MYO1E: variants seen among roughly 807,000 people sequenced by gnomAD.
The protein encoded by MYO1E is myosin IE, also known as unconventional myosin-Ie.
Under a neutral mutation model 151.1 loss-of-function variants are expected in MYO1E, and 68 were observed. The ratio of observed to expected loss-of-function variants is 0.45; its 90% CI spans 0.37 to 0.55. The LOEUF (loss-of-function observed/expected upper bound fraction) is 0.55, where lower values mean the gene tolerates loss of function less well. MYO1E is among the 20% of genes least tolerant of loss of function. MYO1E has a pLI of 0.00. For synonymous variants in MYO1E, 601 were observed against 501.7 expected, an observed-to-expected ratio of 1.20 and a Z score of -2.64; for missense variants, 1,363 against 1,389.3, an observed-to-expected ratio of 0.98 and a Z score of 0.30.
At chr15:59,255,496 G>A (rs1285157830) in intron 4 of MYO1E, among the ~76,000 whole-genome samples, 6 of 152,074 alleles carry the variant, frequency 3.9e-5, no homozygotes, top group Admixed American at 6.5e-5. Flanking sequence ...CCAGGCTCAA[G>A]CGATTCTCCC....
chr15:59,151,050 C>CGG (rs1566964875), intron 26 of MYO1E, among the ~76,000 whole-genome samples: 20 of 129,100 alleles, frequency 1.5e-4, no homozygotes, highest in African/African-American at 7.1e-4. Flanking sequence ...CACACACACA[C>CGG]GCGCGCGCGC....
chr15:59,236,436 G>T, intron 5 of MYO1E, 149 bp downstream of exon 5: 3 of 553,516 alleles, frequency 5.4e-6, no homozygotes, highest in East Asian at 4.0e-5. Flanking sequence ...ACATACATAT[G>T]CTATTCCTTT....
intron 1 of MYO1E, among the ~76,000 whole-genome samples, chr15:59,306,711 A>G (rs1363763773): frequency 2.0e-5 from 3 of 152,228 alleles, no homozygotes; most frequent in Non-Finnish European, 4.4e-5. Context: ...TTGCAAAACC[A>G]TTTGCAATTT....
chr15:59,292,416 C>T (rs972807628), intron 1 of MYO1E, among the ~76,000 whole-genome samples: 1 of 152,204 alleles, frequency 6.6e-6, no homozygotes, highest in Admixed American at 6.5e-5. Flanking sequence ...CTACGACTGG[C>T]AGGCATATGA....
At position 59,216,666 on chromosome 15, in the gene MYO1E, G is replaced by GTGTGTGTGTGTGTGTGTGTGTATTTGTA; in HGVS notation, c.1107+1224_1107+1225insTACAAATACACACACACACACACACACA. Among the ~76,000 whole-genome samples, 2 of 30,884 alleles carry GTGTGTGTGTGTGTGTGTGTGTATTTGTA rather than the reference G, an allele frequency of 6.5e-5. 1 individual carries two copies. Among genetic ancestry groups the GTGTGTGTGTGTGTGTGTGTGTATTTGTA allele is most frequent in the South Asian group, 2.8e-3 (2 of 718 alleles). The allele number at this position is 30,884 out of a possible 152,430, so 20.3% of individuals were successfully genotyped here. On this transcript the variant is annotated intron_variant, in intron 10 of 27. Coordinates refer to ENST00000288235, the MANE Select transcript of MYO1E (RefSeq NM_004998.4). ...CCAGTGTGTGTGTGTGTGTGTATGT[G>GTGTGTGTGTGTGTGTGTGTGTATTTGTA]TATATATATATATATATATACACAT...
At position 59,267,170 on chromosome 15, in the gene MYO1E, CAT is replaced by C. The variant is rs1252973221; in HGVS notation, c.147+5134_147+5135del. ...CCTCCCGAGTAGCCGGGACTACAGG[CAT>C]GCGCCACTACGCCCGGCTAATTTTT... On this transcript the variant is annotated intron_variant, in intron 2 of 27. Transcript: ENST00000288235. Among the ~76,000 whole-genome samples, 1,444 of 151,480 alleles carry C rather than the reference CAT, an allele frequency of 9.5e-3. 26 individuals carry two copies. The highest frequency in any genetic ancestry group is 0.033 in the African/African-American group (1,362 of 41,258).
At chr15:59,352,313 G>C (rs2080827827) in intron 1 of MYO1E, among the ~76,000 whole-genome samples, 1 of 152,164 alleles carries the variant, frequency 6.6e-6, no homozygotes, top group South Asian at 2.1e-4. Context: ...ATGATATCCT[G>C]GAGGGCGGCC....
At chr15:59,359,947 C>A (rs1222820631) in intron 1 of MYO1E, 4 of 152,148 alleles carry the variant, frequency 2.6e-5, no homozygotes, top group Non-Finnish European at 5.9e-5. Context: ...CAGTTAGTGT[C>A]TAGCTTTGCT....
intron 22 of MYO1E, among the ~76,000 whole-genome samples, chr15:59,169,434 C>T (rs565563773): frequency 2.0e-5 from 3 of 152,306 alleles, no homozygotes; most frequent in East Asian, 3.9e-4. Context: ...TGGTTGCTTT[C>T]CTAACTTGGT....
intron 26 of MYO1E, among the ~76,000 whole-genome samples, chr15:59,142,216 G>C (rs2079414328): frequency 6.6e-6 from 1 of 152,064 alleles, no homozygotes; most frequent in Non-Finnish European, 1.5e-5. Flanking sequence ...CACAGATGTG[G>C]AACCCATGGG....
At chr15:59,328,580 C>T (rs568037815) in intron 1 of MYO1E, among the ~76,000 whole-genome samples, 1 of 152,162 alleles carries the variant, frequency 6.6e-6, no homozygotes, top group South Asian at 2.1e-4. Flanking sequence ...TTTATAATGA[C>T]CAGTTATAGA....
At chr15:59,151,005 A>G (rs2079472631) in intron 26 of MYO1E, among the ~76,000 whole-genome samples, 1 of 127,392 alleles carries the variant, frequency 7.8e-6, no homozygotes, top group Admixed American at 9.2e-5. Flanking sequence ...AGGGAAGAGG[A>G]GAGGGACACA....
At chr15:59,320,860 T>C (rs1384525867) in intron 1 of MYO1E, among the ~76,000 whole-genome samples, 2 of 152,174 alleles carry the variant, frequency 1.3e-5, no homozygotes, top group East Asian at 1.9e-4. Context: ...AAAGAGCTTC[T>C]GTACAGCAGA....
At chr15:59,287,280 C>T (rs755221938) in intron 1 of MYO1E, among the ~76,000 whole-genome samples, 26 of 152,156 alleles carry the variant, frequency 1.7e-4, no homozygotes, top group Non-Finnish European at 3.4e-4. Context: ...AATCGCAAGC[C>T]CAGTTTGCAG....
At chr15:59,246,262 T>A (rs2080129489) in intron 4 of MYO1E, among the ~76,000 whole-genome samples, 2 of 152,046 alleles carry the variant, frequency 1.3e-5, no homozygotes. Flanking sequence ...GGATTACAGG[T>A]GCCTGCCACC....
intron 2 of MYO1E, among the ~76,000 whole-genome samples, chr15:59,263,728 G>C (rs747451405): frequency 5.3e-5 from 8 of 152,090 alleles, no homozygotes; most frequent in Non-Finnish European, 1.0e-4. Context: ...CTTCAGCAGT[G>C]CCCAGTTCTG....
intron 12 of MYO1E, among the ~76,000 whole-genome samples, chr15:59,211,563 A>G (rs2140340932): frequency 6.6e-6 from 1 of 152,056 alleles, no homozygotes; most frequent in Non-Finnish European, 1.5e-5. Context: ...ACTCAAATCC[A>G]TTCTACAGAT....
At chr15:59,344,866 T>G (rs1281842610) in intron 1 of MYO1E, among the ~76,000 whole-genome samples, 2 of 152,166 alleles carry the variant, frequency 1.3e-5, no homozygotes, top group African/African-American at 4.8e-5. Flanking sequence ...CATTAGCCAG[T>G]CAATAGGCAC....
At chr15:59,228,210 C>T (rs1200588633) in intron 6 of MYO1E, among the ~76,000 whole-genome samples, 2 of 152,030 alleles carry the variant, frequency 1.3e-5, no homozygotes, top group Admixed American at 6.6e-5. Context: ...TAGCCAGGCG[C>T]GGTGGCTCAC....
Sources: allele counts gnomAD v4.1 joint callset (sites outside exome capture counted in the v4.1 genomes callset), GRCh38; gene constraint gnomAD v4.1.1; transcripts MANE v1.5; gene names NCBI Gene and HGNC (gene_info 2026-07-23, HGNC 2026-07-21).